Variants in AFF3 observed in about 807,000 individuals in gnomAD.
The protein encoded by AFF3 is ALF transcription elongation factor 3, also known as AF4/FMR2 family member 3.
AFF3 carries 32 observed loss-of-function variants against 129.7 expected under a neutral mutation model. The observed-to-expected ratio is 0.25, with a 90% CI of 0.19 to 0.33. The LOEUF is 0.33. AFF3 is among the 10% of genes least tolerant of loss of function. AFF3 has a pLI of 1.00. For missense variants in AFF3, 1,373 were observed against 1,592.0 expected, an observed-to-expected ratio of 0.86 and a Z score of 2.34; for synonymous variants, 644 against 635.4, an observed-to-expected ratio of 1.01 and a Z score of -0.20.
At chr2:99,650,762 A>G (rs1685159982) in intron 12 of AFF3, among the ~76,000 whole-genome samples, 1 of 147,736 alleles carries the variant, frequency 6.8e-6, no homozygotes, top group South Asian at 2.1e-4. Flanking sequence ...AAATGTATTG[A>G]TTTGTTTTTT....
chr2:99,913,812 A>C (rs1695268811), intron 7 of AFF3, among the ~76,000 whole-genome samples: 1 of 152,208 alleles, frequency 6.6e-6, no homozygotes, highest in Non-Finnish European at 1.5e-5. Context: ...ACCAAATCTC[A>C]GATAATTTGA....
At chr2:99,797,997 T>C (rs184600941) in intron 8 of AFF3, among the ~76,000 whole-genome samples, 53 of 152,206 alleles carry the variant, frequency 3.5e-4, no homozygotes, top group African/African-American at 1.2e-3. Context: ...ATGGTAAGTC[T>C]ATTAAACATA....
At chr2:99,584,427 C>T (rs1677890580) in intron 16 of AFF3, among the ~76,000 whole-genome samples, 1 of 152,160 alleles carries the variant, frequency 6.6e-6, no homozygotes, top group African/African-American at 2.4e-5. Context: ...CGAGATTGCG[C>T]CACTGCACTC....
intron 13 of AFF3, among the ~76,000 whole-genome samples, chr2:99,613,421 G>A (rs1681118825): frequency 1.3e-5 from 2 of 151,916 alleles, no homozygotes; most frequent in African/African-American, 4.8e-5. Flanking sequence ...TTATTATTTG[G>A]TTATTGGCCA....
chr2:99,818,455 A>C (rs1687409124), intron 8 of AFF3, among the ~76,000 whole-genome samples: 1 of 152,134 alleles, frequency 6.6e-6, no homozygotes, highest in African/African-American at 2.4e-5. Context: ...AATGTCAATC[A>C]ATTTCCCCTC....
In AFF3 at chr2:100,006,846, A is replaced by G; in HGVS notation, c.659T>C (p.Leu220Pro). Residue 220 changes from leucine (L) to proline (P), a missense_variant, in exon 7 of 25, where the codon CTA becomes CCA. Physicochemically the swap from Leu to Pro is moderately conservative, Grantham distance 98. Transcript: ENST00000672756. ...GHCVQNFPPS[L>P]ASKPSLVQQK... ...CTGGACCAGGCTGGGTTTTGAAGCTAGGGATGGAGGAAAGTTCTGAACACA... is the reference window on the plus strand; with the variant it reads ...CTGGACCAGGCTGGGTTTTGAAGCTGGGGATGGAGGAAAGTTCTGAACACA... The G allele has an allele frequency of 1.2e-6, 2 of 1,614,172 alleles. No homozygotes were observed. Among genetic ancestry groups the G allele is most frequent in the Non-Finnish European group, 1.7e-6 (2 of 1,180,030 alleles).
intron 7 of AFF3, among the ~76,000 whole-genome samples, chr2:99,985,733 G>A (rs116086467): frequency 6.6e-6 from 1 of 152,288 alleles, no homozygotes; most frequent in African/African-American, 2.4e-5. Flanking sequence ...ACCCTTGGGT[G>A]GGTAGGGCCA....
At position 99,593,801 on chromosome 2, in the gene AFF3, G is replaced by T. The variant is rs750564737; in HGVS notation, c.1860C>A (p.Val620=). Reference sequence around the variant, plus strand: ...GCCTGGTTTTGGTGGGCTCCGGGGGGACCACCACGCTCGTCCCCAGCGCGT... The same window carrying T: ...GCCTGGTTTTGGTGGGCTCCGGGGGTACCACCACGCTCGTCCCCAGCGCGT... ...AADALGTSVV[V]PPEPTKTRPC... The change falls in exon 15 of 25, where the codon GTC becomes GTA. Residue 620 remains valine (V), a synonymous_variant. Transcript: ENST00000672756. The T allele has an allele frequency of 6.2e-7, 1 of 1,610,932 alleles. No homozygotes were observed. The highest frequency in any genetic ancestry group is 8.5e-7 in the Non-Finnish European group (1 of 1,179,494).
chr2:100,128,413 C>A (rs1692290225), intron 2 of AFF3, among the ~76,000 whole-genome samples: 1 of 152,120 alleles, frequency 6.6e-6, no homozygotes, highest in African/African-American at 2.4e-5. Flanking sequence ...TCTAGCCCAG[C>A]CTCATGGGGA....
At chr2:99,647,156 A>G in intron 13 of AFF3, among the ~76,000 whole-genome samples, 1 of 152,208 alleles carries the variant, frequency 6.6e-6, no homozygotes, top group South Asian at 2.1e-4. Context: ...ATGGGTATAT[A>G]CCCAAATGAA....
At chr2:99,757,081 CT>C (rs981084928) in intron 8 of AFF3, among the ~76,000 whole-genome samples, 2 of 152,214 alleles carry the variant, frequency 1.3e-5, no homozygotes, top group Non-Finnish European at 2.9e-5. Flanking sequence ...CATGCTCATT[CT>C]TTTTTGCTGA....
At chr2:99,842,503 T>C (rs1576160988) in intron 7 of AFF3, among the ~76,000 whole-genome samples, 1 of 152,154 alleles carries the variant, frequency 6.6e-6, no homozygotes, top group African/African-American at 2.4e-5. Context: ...TGCTCCGTAT[T>C]TACTCCAACT....
intron 13 of AFF3, among the ~76,000 whole-genome samples, chr2:99,616,170 T>C (rs1681406852): frequency 6.6e-6 from 1 of 152,160 alleles, no homozygotes; most frequent in Admixed American, 6.5e-5. Context: ...TTTAAGGCAA[T>C]GTAACCCATT....
At chr2:100,057,274 T>C (rs1476039656) in intron 4 of AFF3, among the ~76,000 whole-genome samples, 1 of 127,650 alleles carries the variant, frequency 7.8e-6, no homozygotes, top group Admixed American at 9.9e-5. Flanking sequence ...TGAGCTGAGA[T>C]CACGCCACTG....
At position 100,006,989 on chromosome 2, in the gene AFF3, A is replaced by T. The variant is rs750115697; in HGVS notation, c.516T>A (p.Leu172=). The T allele has an allele frequency of 3.1e-6, 5 of 1,612,246 alleles. No individual in the cohort carries two copies. The South Asian group carries it at 5.5e-5, about 18-fold the overall frequency. The change falls in exon 7 of 25, where the codon CTT becomes CTA. Residue 172 remains leucine (L), a synonymous_variant. Coordinates refer to ENST00000672756, the MANE Select transcript of AFF3 (RefSeq NM_001386135.1). ...ATQQGSLRTL[L]GDGVGRQQPR... is the part of the protein sequence containing the mutation. ...GCTGCTGTCTGCCAACACCATCTCC[A>T]AGCAAGGTCCTGAGAGAGCCCTGTT...
At chr2:99,673,035 T>C (rs1416219227) in intron 11 of AFF3, among the ~76,000 whole-genome samples, 1 of 150,458 alleles carries the variant, frequency 6.6e-6, no homozygotes, top group Non-Finnish European at 1.5e-5. Flanking sequence ...AAAATAGCAA[T>C]AAAAAAGAAG....
In AFF3 at chr2:99,959,696, C is replaced by CATATATATAT. The variant is rs58551565; in HGVS notation, c.873+46926_873+46935dup. ...TTACATTTTAAAAAATAGTGTATAG[C>CATATATATAT]ATATATATATATATATATATATATA... On this transcript the variant is annotated intron_variant, in intron 7 of 24. Transcript: ENST00000672756. Among the ~76,000 whole-genome samples, 22 of 138,154 alleles carry CATATATATAT rather than the reference C, an allele frequency of 1.6e-4. No individual in the cohort carries two copies. In the South Asian group the frequency reaches 2.7e-3, roughly 17 times the overall value. 90.6% of individuals were successfully genotyped at this position (138,154 alleles called of 152,430 possible). A position where few individuals can be genotyped will look rare whatever the true frequency, so the allele number is the denominator to read the frequency against.
Position 99,551,140 on chromosome 2 carries a change from T to C in AFF3, c.*334A>G. 2.3e-6 allele frequency: 1 copy of C among 441,870 alleles called. No homozygotes were observed. The highest frequency in any genetic ancestry group is 3.1e-5 in the East Asian group (1 of 32,474). The allele number at this position is 441,870 out of a possible 1,614,324, so 27.4% of individuals were successfully genotyped here. A position where few individuals can be genotyped will look rare whatever the true frequency, so the allele number is the denominator to read the frequency against. On this transcript the variant is annotated 3_prime_UTR_variant, in exon 25 of 25. Transcript: ENST00000672756. ...AATAGAAAGTGTGTGTCTGTGATTG[T>C]GTGTGAGTGTACGGTGTGTGTGTGT...
At chr2:100,127,655 T>C (rs954148882) in intron 2 of AFF3, among the ~76,000 whole-genome samples, 5 of 152,172 alleles carry the variant, frequency 3.3e-5, no homozygotes, top group Non-Finnish European at 7.3e-5. Flanking sequence ...CAGAGACTGA[T>C]GAGTTGTTAC....
Sources: allele counts gnomAD v4.1 joint callset (sites outside exome capture counted in the v4.1 genomes callset), GRCh38; gene constraint gnomAD v4.1.1; transcripts MANE v1.5; gene names NCBI Gene and HGNC (gene_info 2026-07-23, HGNC 2026-07-21).